Variants in ZFR2 observed in about 807,000 individuals in gnomAD.
The protein encoded by ZFR2 is zinc finger RNA-binding protein 2.
In ZFR2, 104 loss-of-function variants were observed where a neutral mutation model predicts 105.7. The ratio of observed to expected loss-of-function variants is 0.98; its 90% CI spans 0.84 to 1.16. The LOEUF is 1.16. Among genes scored for constraint, ZFR2 ranks in the 50% most tolerant of loss-of-function variants. The pLI, the probability that ZFR2 is intolerant of heterozygous loss-of-function variation, is 0.00. For missense variants in ZFR2, 1,425 were observed against 1,355.5 expected (o/e 1.05, Z -0.80); for synonymous variants, 634 against 597.7 (o/e 1.06, Z -0.89).
At position 3,807,243 on chromosome 19, in the gene ZFR2, C is replaced by G; in HGVS notation, c.2572G>C (p.Glu858Gln). The G allele has an allele frequency of 1.3e-6, 2 of 1,560,520 alleles. No individual in the cohort carries two copies. The highest frequency in any genetic ancestry group is 1.7e-6 in the Non-Finnish European group (2 of 1,151,542). ...TDGPGLQDPCERDQTDALEPM... is the reference protein window; with the variant it reads ...TDGPGLQDPCQRDQTDALEPM... ...TCGAGGGCATCTGTCTGGTCTCTCT[C>G]GCAGGGATCCTGGAGCCCGGGCCCG... The change falls in exon 18 of 19, where the codon GAG (glutamate) becomes CAG (glutamine). Residue 858 changes from glutamate (E) to glutamine (Q), a missense_variant. Coordinates refer to ENST00000262961, the MANE Select transcript of ZFR2 (RefSeq NM_015174.2).
chr19:3,852,590 CG>C (rs1568431652), intron 1 of ZFR2: 1 of 718,444 alleles, frequency 1.4e-6, no homozygotes, highest in Admixed American at 2.0e-5. Flanking sequence ...ATGCAAGGGC[CG>C]GGGGAGTGGT....
At chr19:3,814,065 C>T (rs575850495) in intron 13 of ZFR2, 107 bp from the exon 14 acceptor site, 1 of 1,499,402 alleles carries the variant, frequency 6.7e-7, no homozygotes, top group South Asian at 1.2e-5. Flanking sequence ...TCGGGCCTCC[C>T]ACACTTGCTG....
intron 3 of ZFR2, among the ~76,000 whole-genome samples, chr19:3,832,429 C>T (rs925427501): frequency 1.3e-5 from 2 of 151,444 alleles, no homozygotes; most frequent in African/African-American, 4.9e-5. Flanking sequence ...TCAAGTGATT[C>T]TCCTGCCTCA....
intron 1 of ZFR2, among the ~76,000 whole-genome samples, chr19:3,846,543 T>G (rs2038186353): frequency 1.3e-5 from 2 of 152,196 alleles, no homozygotes; most frequent in Admixed American, 1.3e-4. Flanking sequence ...CATCTGTACT[T>G]CTGCCCTGGG....
At chr19:3,850,668 G>T (rs2038228374) in intron 1 of ZFR2, among the ~76,000 whole-genome samples, 1 of 151,780 alleles carries the variant, frequency 6.6e-6, no homozygotes, top group Non-Finnish European at 1.5e-5. Flanking sequence ...GATCACTTGA[G>T]CCCAGGAGTT....
chr19:3,821,273 G>T, intron 10 of ZFR2, 67 bp downstream of exon 10: 1 of 1,461,090 alleles, frequency 6.8e-7, no homozygotes. Flanking sequence ...AGCAGTGGGC[G>T]TCTAGGTTCC....
intron 1 of ZFR2, among the ~76,000 whole-genome samples, chr19:3,847,824 C>T (rs539823812): frequency 1.1e-4 from 17 of 152,294 alleles, no homozygotes; most frequent in Admixed American, 4.6e-4. Flanking sequence ...TAAGAGTCAA[C>T]GGCAAAGAGG....
At position 3,813,815 on chromosome 19, in the gene ZFR2, C is replaced by A. The variant is rs536706309; in HGVS notation, c.2242+5G>T. ...CAGTGGTTGGAAGGAAGGGCTGGGC[C>A]GCACCTGGGTCTGTGGAGGGGTCCT... On this transcript the variant is annotated splice_donor_5th_base_variant and intron_variant, in intron 14 of 18. Coordinates refer to ENST00000262961, the MANE Select transcript of ZFR2 (RefSeq NM_015174.2). The surrounding 1 kb of genome is among the most constrained non-coding windows in gnomAD (Gnocchi z 4.4). 1.9e-6 allele frequency: 3 copies of A among 1,613,508 alleles called. No individual in the cohort carries two copies. In the East Asian group the frequency reaches 6.7e-5, roughly 36 times the overall value.
At chr19:3,815,102 TTTTTTAAGACAGAGTC>T (rs796503407) in intron 13 of ZFR2, among the ~76,000 whole-genome samples, 35 of 152,332 alleles carry the variant, frequency 2.3e-4, no homozygotes, top group African/African-American at 8.4e-4. Flanking sequence ...TTCTTTCTTT[TTTTTTAAGACAGAGTC>T]TTACTCTGTG....
At chr19:3,850,813 G>A (rs2038230103) in intron 1 of ZFR2, among the ~76,000 whole-genome samples, 1 of 150,538 alleles carries the variant, frequency 6.6e-6, no homozygotes, top group Non-Finnish European at 1.5e-5. Context: ...GCTGAGGTGG[G>A]AGGCTCGATT....
chr19:3,813,703 G>C lies in ZFR2; in HGVS notation c.2242+117C>G, dbSNP rs746769401. The C allele has an allele frequency of 1.6e-5, 22 of 1,406,510 alleles. 1 individual carries two copies. Among genetic ancestry groups the C allele is most frequent in the Non-Finnish European group, 1.8e-5 (19 of 1,032,424 alleles). 87.1% of individuals were successfully genotyped at this position (1,406,510 alleles called of 1,614,324 possible). A position where few individuals can be genotyped will look rare whatever the true frequency, so the allele number is the denominator to read the frequency against. On this transcript the variant is annotated intron_variant, in intron 14 of 18. Coordinates refer to ENST00000262961, the MANE Select transcript of ZFR2 (RefSeq NM_015174.2). This position sits in a 1 kb window ranked among gnomAD's most constrained non-coding sequence, Gnocchi z 4.4. ...AGGGGGACAGCAGTGCTGGAGCGTG[G>C]CTGCTGTGGCATTTCCTGCTCAGGG...
chr19:3,837,348 G>A (rs1001592277), intron 1 of ZFR2, among the ~76,000 whole-genome samples: 7 of 151,866 alleles, frequency 4.6e-5, no homozygotes, highest in South Asian at 2.1e-4. Context: ...ACAGACACCC[G>A]ATGAACACCA....
At position 3,838,281 on chromosome 19, in the gene ZFR2, C is replaced by CTGT. The variant is rs2038099789; in HGVS notation, c.54-3299_54-3298insACA. ...TATGGACACTGAATGAACAGCATGACTACAGACACCTGATGAACACTATGA... is the reference window on the plus strand; with the variant it reads ...TATGGACACTGAATGAACAGCATGACTGTTACAGACACCTGATGAACACTATGA... On this transcript the variant is annotated intron_variant, in intron 1 of 18. Coordinates refer to ENST00000262961, the MANE Select transcript of ZFR2 (RefSeq NM_015174.2). This position sits in a 1 kb window ranked among gnomAD's most constrained non-coding sequence, Gnocchi z 4.9. 6.6e-6 allele frequency among the ~76,000 whole-genome samples: 1 copy of CTGT among 152,226 alleles called. No individual in the cohort carries two copies. Among genetic ancestry groups the CTGT allele is most frequent in the Non-Finnish European group, 1.5e-5 (1 of 68,042 alleles).
At chr19:3,817,009 C>T (rs941688936) in intron 12 of ZFR2, among the ~76,000 whole-genome samples, 164 bp from the exon 13 acceptor site, 3 of 152,136 alleles carry the variant, frequency 2.0e-5, no homozygotes, top group Admixed American at 2.0e-4. Context: ...GAGGCGCTTG[C>T]GGGATGAAAT....
intron 12 of ZFR2, 22 bp from the exon 13 acceptor site, chr19:3,816,867 C>T (rs781133807): frequency 1.6e-5 from 24 of 1,535,838 alleles, no homozygotes; most frequent in East Asian, 2.5e-5. Context: ...AAGCCACAGA[C>T]GTGCGCCATC....
rs750531465 is a variant in ZFR2, at chr19:3,819,121, G to T, written c.1855C>A (p.Arg619=). The stretch of plus-strand genomic sequence containing the variant: ...GTGTCGGACACCAGCTTGAGGGCCC[G>T]CTCTGCGTGGGACACGGCCCTCTGC... ...AVQRAVSHAE[R]ALKLVSDTLA... Residue 619 remains arginine, a synonymous_variant, in exon 12 of 19, where the codon CGG becomes AGG. Transcript: ENST00000262961. The T allele has an allele frequency of 6.2e-7, 1 of 1,611,434 alleles. No individual in the cohort carries two copies.
chr19:3,841,192 T>C (rs997365630), intron 1 of ZFR2, among the ~76,000 whole-genome samples: 1 of 152,114 alleles, frequency 6.6e-6, no homozygotes, highest in African/African-American at 2.4e-5. Context: ...GGTTTCAGAG[T>C]GCAAGGAGGG....
intron 1 of ZFR2, among the ~76,000 whole-genome samples, chr19:3,847,126 G>A (rs574447858): frequency 3.3e-4 from 51 of 152,276 alleles, no homozygotes; most frequent in South Asian, 6.2e-4. Context: ...ACAACATGGC[G>A]GCCAGCTTCC....
rs2037921429 is a variant in ZFR2 at position 3,823,783 on chromosome 19, T to C, written c.1214-380A>G. 6.6e-6 allele frequency among the ~76,000 whole-genome samples: 1 copy of C among 152,138 alleles called. No homozygotes were observed. ...AGCCTCGGGGGGAGACAAATATCTT[T>C]GTTATAAGAATGACTTGATGGTTTG... On this transcript the variant is annotated intron_variant, in intron 7 of 18. Coordinates refer to ENST00000262961, the MANE Select transcript of ZFR2 (RefSeq NM_015174.2). This position sits in a 1 kb window ranked among gnomAD's most constrained non-coding sequence, Gnocchi z 5.4.
Sources: gnomAD v4.1 joint callset for allele counts (sites outside exome capture counted in the v4.1 genomes callset) on GRCh38, gnomAD v4.1.1 for gene constraint, Gnocchi (gnomAD v3.1) non-coding constraint, MANE v1.5 for transcripts, NCBI Gene and HGNC (gene_info 2026-07-23, HGNC 2026-07-21) for gene names.